LMO7: variants seen among roughly 807,000 people sequenced by gnomAD.
LMO7 encodes the protein LIM domain only protein 7.
In LMO7, 120 loss-of-function variants were observed where a neutral mutation model predicts 206.5. The observed-to-expected ratio is 0.58, with a 90% CI of 0.50 to 0.68. LMO7 has a LOEUF of 0.68. Ranked by LOEUF, LMO7 falls within the 30% of genes least tolerant of loss-of-function variation. The pLI is 0.00. For missense variants in LMO7, 1,959 were observed against 1,957.9 expected (o/e 1.00, Z -0.01); for synonymous variants, 706 against 681.5 (o/e 1.04, Z -0.56).
chr13:75,623,336 A>G (rs368525640), intron 2 of LMO7: 5 of 1,326,642 alleles, frequency 3.8e-6, no homozygotes, highest in African/African-American at 1.5e-5. Context: ...ATTTTTCTGT[A>G]TTTTCTAAGG....
intron 13 of LMO7, among the ~76,000 whole-genome samples, chr13:75,820,510 G>T (rs1039101902): frequency 2.6e-5 from 4 of 152,138 alleles, no homozygotes; most frequent in Non-Finnish European, 5.9e-5. Context: ...TGTCAATCAT[G>T]ATATTTATAG....
At chr13:75,737,525 G>A (rs1172830509) in intron 3 of LMO7, among the ~76,000 whole-genome samples, 4 of 148,854 alleles carry the variant, frequency 2.7e-5, no homozygotes, top group Admixed American at 2.0e-4. Context: ...AGGCCGAGGC[G>A]GGCGGATCAC....
intron 1 of LMO7, among the ~76,000 whole-genome samples, chr13:75,709,938 C>A (rs1483528944): frequency 6.6e-6 from 1 of 152,186 alleles, no homozygotes. Context: ...TTAGGTCTAA[C>A]ATTTAAGTCT....
intron 6 of LMO7, among the ~76,000 whole-genome samples, chr13:75,797,883 C>CTT (rs1305499252): frequency 0.01 from 1,571 of 152,238 alleles, 31 homozygotes; most frequent in African/African-American, 0.033. Flanking sequence ...CATGCATACA[C>CTT]ATAGTACTAA....
intron 20 of LMO7, chr13:75,838,507 C>T: frequency 2.5e-6 from 1 of 406,758 alleles, no homozygotes; most frequent in South Asian, 2.9e-5. Flanking sequence ...CTTGTTTCCA[C>T]TGGGTAACAG....
At chr13:75,703,261 G>A (rs7986928) in intron 1 of LMO7, among the ~76,000 whole-genome samples, 10,038 of 152,172 alleles carry the variant, frequency 0.066, 687 homozygotes, top group African/African-American at 0.17. Context: ...AGAATAATTT[G>A]ATTTAAAAGT....
chr13:75,838,295 T>C, intron 20 of LMO7, 99 bp downstream of exon 20: 2 of 1,546,222 alleles, frequency 1.3e-6, no homozygotes, highest in East Asian at 2.3e-5. Context: ...GCCTCTTCAA[T>C]TTGTCTGTCA....
intron 4 of LMO7, chr13:75,788,788 G>A (rs1055528224): frequency 6.6e-6 from 1 of 152,414 alleles, no homozygotes; most frequent in African/African-American, 2.4e-5. Context: ...TTCCCAAGAG[G>A]CAACTCCCAG....
chr13:75,642,004 G>A (rs1181579163), intron 1 of LMO7, among the ~76,000 whole-genome samples: 2 of 152,090 alleles, frequency 1.3e-5, no homozygotes, highest in Non-Finnish European at 1.5e-5. Context: ...CTTGAACACA[G>A]CATCTTTATA....
chr13:75,783,016 A>G (rs528603469), intron 4 of LMO7, among the ~76,000 whole-genome samples: 1 of 152,216 alleles, frequency 6.6e-6, no homozygotes, highest in Non-Finnish European at 1.5e-5. Flanking sequence ...ACTGAACTCA[A>G]TAAATTTTCA....
At chr13:75,679,242 T>G (rs529955796) in intron 1 of LMO7, among the ~76,000 whole-genome samples, 14 of 152,332 alleles carry the variant, frequency 9.2e-5, no homozygotes, top group African/African-American at 3.1e-4. Flanking sequence ...TTACAAATAT[T>G]TACTGTCTTC....
intron 1 of LMO7, among the ~76,000 whole-genome samples, chr13:75,670,204 A>G (rs2039437868): frequency 6.6e-6 from 1 of 152,230 alleles, no homozygotes; most frequent in Non-Finnish European, 1.5e-5. Context: ...GGGAATCAGA[A>G]AAGTATGCTG....
chr13:75,653,869 C>G (rs1156826529), intron 1 of LMO7, among the ~76,000 whole-genome samples: 1 of 152,084 alleles, frequency 6.6e-6, no homozygotes, highest in African/African-American at 2.4e-5. Flanking sequence ...TTATATTTCT[C>G]AAATATAAAC....
intron 1 of LMO7, among the ~76,000 whole-genome samples, chr13:75,686,270 G>C (rs1452544144): frequency 6.6e-6 from 1 of 152,148 alleles, no homozygotes; most frequent in Admixed American, 6.5e-5. Context: ...ATGGTGGAAG[G>C]TGAAAGGCAT....
Position 75,697,612 on chromosome 13 carries a change from A to C in LMO7, c.70-15570A>C, listed in dbSNP as rs146885288. Among the ~76,000 whole-genome samples, 744 of 152,274 alleles carry C rather than the reference A, an allele frequency of 4.9e-3. 8 individuals are homozygous for C. Among genetic ancestry groups the C allele is most frequent in the African/African-American group, 0.017 (698 of 41,546 alleles). ...GAGATTTGGGTGGGGACACAGCCAAACCATATCAGGCAGTGTCTTCCTTTT... is the reference window on the plus strand; with the variant it reads ...GAGATTTGGGTGGGGACACAGCCAACCCATATCAGGCAGTGTCTTCCTTTT... On this transcript the variant is annotated intron_variant, in intron 1 of 30. Coordinates refer to ENST00000377534, the MANE Select transcript of LMO7 (RefSeq NM_001306080.2).
intron 1 of LMO7, among the ~76,000 whole-genome samples, chr13:75,680,068 G>T (rs899408382): frequency 6.6e-6 from 1 of 152,062 alleles, no homozygotes; most frequent in African/African-American, 2.4e-5. Flanking sequence ...CCTCCCACAG[G>T]CCCCAGTATG....
At chr13:75,849,349 T>C in intron 27 of LMO7, 57 bp downstream of exon 27, 5 of 1,324,626 alleles carry the variant, frequency 3.8e-6, no homozygotes, top group Non-Finnish European at 5.4e-6. Flanking sequence ...GATATTTAAT[T>C]TGTAGACATC....
intron 1 of LMO7, among the ~76,000 whole-genome samples, chr13:75,680,446 G>A (rs186687000): frequency 1.5e-3 from 226 of 152,276 alleles, no homozygotes; most frequent in African/African-American, 5.0e-3. Context: ...TCATATTTCT[G>A]GTTCTAAGTC....
chr13:75,655,231 G>T (rs983201467), intron 1 of LMO7, among the ~76,000 whole-genome samples: 7 of 152,148 alleles, frequency 4.6e-5, no homozygotes, highest in African/African-American at 1.2e-4. Flanking sequence ...GAGGTGAGTA[G>T]TTTCTTATCT....
Sources: gnomAD v4.1 joint callset for allele counts (sites outside exome capture counted in the v4.1 genomes callset) on GRCh38, gnomAD v4.1.1 for gene constraint, MANE v1.5 for transcripts, NCBI Gene and HGNC (gene_info 2026-07-23, HGNC 2026-07-21) for gene names.